BPI: variants seen among roughly 807,000 people sequenced by gnomAD.
BPI encodes bactericidal permeability-increasing protein.
Under a neutral mutation model 57.6 loss-of-function variants are expected in BPI, and 48 were observed. The ratio of observed to expected loss-of-function variants is 0.83; its 90% confidence interval spans 0.66 to 1.06. BPI has a LOEUF of 1.06. Ranked by LOEUF, BPI falls within the 50% of genes least tolerant of loss-of-function variation. The pLI, the probability that BPI is intolerant of heterozygous loss-of-function variation, is 0.00. For synonymous variants in BPI, 237 were observed against 238.2 expected (o/e 0.99, Z 0.05); for missense variants, 651 against 609.7 (o/e 1.07, Z -0.71).
intron 10 of BPI, 91 bp from the exon 11 acceptor site, chr20:38,327,497 A>T: frequency 1.4e-6 from 2 of 1,414,028 alleles, no homozygotes; most frequent in Non-Finnish European, 2.0e-6. Flanking sequence ...TGCCCTGCTG[A>T]GCCGTTGTGA....
chr20:38,326,465 C>A lies in BPI; in HGVS notation c.1161+33C>A, dbSNP rs764107743. 4.8e-5 allele frequency: 76 copies of A among 1,589,164 alleles called. 1 individual carries two copies. The South Asian group carries it at 8.2e-4, about 17-fold the overall frequency. ...GTTCCTGGGTTGGACAGATGAGGAG[C>A]CCCAGACAGTCCCAACAGCACTGTC... On this transcript the variant is annotated intron_variant, in intron 10 of 14. Coordinates refer to ENST00000642449, the MANE Select transcript of BPI (RefSeq NM_001725.3).
At chr20:38,308,152 G>GTC (rs1021097551) in intron 2 of BPI, among the ~76,000 whole-genome samples, 7 of 152,128 alleles carry the variant, frequency 4.6e-5, no homozygotes, top group African/African-American at 1.7e-4. Context: ...CCACCAGTAA[G>GTC]TCTCTCTAGA....
intron 7 of BPI, among the ~76,000 whole-genome samples, chr20:38,321,242 T>G (rs1600706762): frequency 7.6e-6 from 1 of 131,670 alleles, no homozygotes; most frequent in Non-Finnish European, 1.6e-5. Context: ...GGTGGGTGGG[T>G]AGATGGGTGG....
chr20:38,311,935 C>A lies in BPI; in HGVS notation c.598C>A (p.Gln200Lys). 1 of 1,613,900 alleles carries A rather than the reference C, an allele frequency of 6.2e-7. No homozygotes were observed. Among genetic ancestry groups the A allele is most frequent in the Non-Finnish European group, 8.5e-7 (1 of 1,179,964 alleles). ...ESALRNKMNS[Q>K]VCEKVTNSVS... ...TGCGCTTCGAAACAAGATGAACAGC[C>A]AGGTAGGAGGGGCTCAGAGCCCCAT... The change falls in exon 5 of 15, where the codon CAG (glutamine) becomes AAG (lysine). Residue 200 changes from glutamine to lysine, a missense_variant and splice_region_variant. By Grantham distance (53) the Gln-to-Lys change is moderately conservative. Coordinates refer to ENST00000642449, the MANE Select transcript of BPI (RefSeq NM_001725.3).
intron 13 of BPI, among the ~76,000 whole-genome samples, chr20:38,334,985 G>A (rs975983363): frequency 2.0e-5 from 3 of 152,096 alleles, no homozygotes; most frequent in Non-Finnish European, 4.4e-5. Flanking sequence ...AGAGTGAGGG[G>A]CAAAAGTACT....
intron 10 of BPI, among the ~76,000 whole-genome samples, chr20:38,326,934 T>A (rs1452705647): frequency 6.6e-6 from 1 of 152,256 alleles, no homozygotes; most frequent in Non-Finnish European, 1.5e-5. Context: ...CATTTATTCG[T>A]CCATCATTTA....
Position 38,313,765 on chromosome 20 carries a change from G to A in BPI, c.600+1828G>A, listed in dbSNP as rs77208318. On this transcript the variant is annotated intron_variant, in intron 5 of 14. Coordinates refer to ENST00000642449, the MANE Select transcript of BPI (RefSeq NM_001725.3). ...GGATGATAATGGTGATGGTGATGAC[G>A]GTGATGGTGAGGTTGATGATGGTGA... Among the ~76,000 whole-genome samples the A allele has an allele frequency of 6.2e-3, 943 of 151,420 alleles. 9 individuals carry two copies. The highest frequency in any genetic ancestry group is 0.022 in the African/African-American group (899 of 41,276).
intron 13 of BPI, 50 bp downstream of exon 13, chr20:38,334,543 T>A: frequency 1.3e-6 from 2 of 1,573,780 alleles, no homozygotes; most frequent in Non-Finnish European, 1.7e-6. Flanking sequence ...GGGAAGAGGG[T>A]GGGGTTGATT....
rs141009747 is a variant in BPI at position 38,314,284 on chromosome 20, T to G, written c.600+2347T>G. Among the ~76,000 whole-genome samples the G allele has an allele frequency of 0.013, 1,854 of 146,610 alleles. 125 individuals carry two copies. In the East Asian group the frequency reaches 0.24, roughly 19 times the overall value. ...ATGGTGAGATTGATGATGGTGATGG[T>G]GGGGATGATGATAATGATGATGGTG... is the stretch of plus-strand genomic sequence containing the variant. On this transcript the variant is annotated intron_variant, in intron 5 of 14. Coordinates refer to ENST00000642449, the MANE Select transcript of BPI (RefSeq NM_001725.3).
Position 38,311,904 on chromosome 20 carries a change from T to A in BPI, c.567T>A (p.Ile189=), listed in dbSNP as rs779875031. 6.2e-7 allele frequency: 1 copy of A among 1,613,902 alleles called. No individual in the cohort carries two copies. The highest frequency in any genetic ancestry group is 8.5e-7 in the Non-Finnish European group (1 of 1,179,954). The part of the protein sequence containing the change: ...GWLIQLFHKK[I]ESALRNKMNS... ...TGATCCAACTCTTCCACAAAAAAAT[T>A]GAGTCTGCGCTTCGAAACAAGATGA... Residue 189 remains isoleucine (I), a synonymous_variant, in exon 5 of 15, where the codon ATT becomes ATA. Coordinates refer to ENST00000642449, the MANE Select transcript of BPI (RefSeq NM_001725.3).
intron 11 of BPI, among the ~76,000 whole-genome samples, chr20:38,329,286 C>T (rs540146372): frequency 6.6e-6 from 1 of 152,272 alleles, no homozygotes; most frequent in East Asian, 1.9e-4. Context: ...AGACCTGGCA[C>T]CCGCCTCTTC....
intron 5 of BPI, chr20:38,318,127 A>G (rs1425266245): frequency 1.3e-5 from 11 of 858,180 alleles, no homozygotes; most frequent in Non-Finnish European, 1.5e-5. Flanking sequence ...GCAACAAAAA[A>G]AAAAAACCTT....
intron 5 of BPI, among the ~76,000 whole-genome samples, chr20:38,314,445 A>G (rs2076640172): frequency 7.0e-6 from 1 of 143,466 alleles, no homozygotes; most frequent in Non-Finnish European, 1.5e-5. Context: ...GGGGATGATT[A>G]TAATGATGAT....
chr20:38,315,021 G>A (rs114392027), intron 5 of BPI, among the ~76,000 whole-genome samples: 314 of 152,202 alleles, frequency 2.1e-3, no homozygotes, highest in African/African-American at 4.0e-3. Context: ...GGTGATGGTG[G>A]GGATGGTGAT....
chr20:38,332,285 C>G (rs908587835), intron 12 of BPI, among the ~76,000 whole-genome samples: 1 of 152,116 alleles, frequency 6.6e-6, no homozygotes, highest in East Asian at 1.9e-4. Flanking sequence ...AAAGCTTCCC[C>G]TGGCTGGGGT....
At position 38,328,193 on chromosome 20, in the gene BPI, G is replaced by A. The variant is rs140583729; in HGVS notation, c.1229+538G>A. Among the ~76,000 whole-genome samples the A allele has an allele frequency of 8.1e-4, 124 of 152,296 alleles. 2 individuals carry two copies. Among genetic ancestry groups the A allele is most frequent in the African/African-American group, 2.8e-3 (117 of 41,556 alleles). ...GTGGCCCCAACATGAGGCTGCCTGCGTTAAAAGTGTGGCTCACCTTGGCAA... is the reference window on the plus strand; with the variant it reads ...GTGGCCCCAACATGAGGCTGCCTGCATTAAAAGTGTGGCTCACCTTGGCAA... On this transcript the variant is annotated intron_variant, in intron 11 of 14. Coordinates refer to ENST00000642449, the MANE Select transcript of BPI (RefSeq NM_001725.3).
chr20:38,304,976 T>C (rs150100776), intron 1 of BPI, among the ~76,000 whole-genome samples: 5 of 152,348 alleles, frequency 3.3e-5, no homozygotes, highest in Non-Finnish European at 7.3e-5. Flanking sequence ...GCTATCCACA[T>C]TTACACGTGA....
At chr20:38,315,808 T>C (rs1468491569) in intron 5 of BPI, among the ~76,000 whole-genome samples, 1 of 149,526 alleles carries the variant, frequency 6.7e-6, no homozygotes, top group African/African-American at 2.5e-5. Flanking sequence ...TTCTTCCCAC[T>C]CTTCTTCCTT....
chr20:38,317,974 C>T lies in BPI; in HGVS notation c.601-439C>T, dbSNP rs976042928. The T allele has an allele frequency of 6.1e-6, 6 of 985,152 alleles. No individual in the cohort carries two copies. In the African/African-American group the frequency reaches 1.0e-4, roughly 17 times the overall value. 61.0% of individuals were successfully genotyped at this position (985,152 alleles called of 1,614,324 possible). ...ATGAGGGTGCCCACCTAGACTTAAG[C>T]AGAAACACTGCCCATGCTCCCAGAA... On this transcript the variant is annotated intron_variant, in intron 5 of 14. Transcript: ENST00000642449.
Sources: allele counts gnomAD v4.1 joint callset (sites outside exome capture counted in the v4.1 genomes callset), GRCh38; gene constraint gnomAD v4.1.1; transcripts MANE v1.5; gene names NCBI Gene and HGNC (gene_info 2026-07-23, HGNC 2026-07-21).